Variants in DCDC1 observed in about 807,000 individuals in gnomAD.
DCDC1 encodes doublecortin domain containing 1.
A neutral mutation model predicts 178.3 loss-of-function variants in DCDC1; 200 were observed. The ratio of observed to expected loss-of-function variants is 1.12; its 90% CI spans 1.00 to 1.26. The LOEUF is 1.26. Ranked by LOEUF, DCDC1 falls within the 50% of genes most tolerant of loss-of-function variation. The pLI is 0.00. For missense variants in DCDC1, 1,983 were observed against 1,749.2 expected, an observed-to-expected ratio of 1.13 and a Z score of -2.38; for synonymous variants, 690 against 604.8, an observed-to-expected ratio of 1.14 and a Z score of -2.07.
intron 7 of DCDC1, among the ~76,000 whole-genome samples, chr11:31,277,687 A>G (rs1490044303): frequency 6.6e-6 from 1 of 152,004 alleles, no homozygotes; most frequent in African/African-American, 2.4e-5. Context: ...GCATCTTTTC[A>G]TGTGCTAATG....
chr11:30,938,937 G>A, intron 21 of DCDC1, among the ~76,000 whole-genome samples: 1 of 71,398 alleles, frequency 1.4e-5, no homozygotes. Context: ...GTTTTCCTGT[G>A]TACTCAACCC....
chr11:31,290,659 T>C lies in DCDC1; in HGVS notation c.948A>G (p.Glu316=). 2 of 1,604,014 alleles carry C rather than the reference T, an allele frequency of 1.2e-6. No individual in the cohort carries two copies. The highest frequency in any genetic ancestry group is 1.7e-6 in the Non-Finnish European group (2 of 1,177,332). The change falls in exon 7 of 39, where the codon GAA becomes GAG. Residue 316 remains glutamate, a synonymous_variant. Coordinates refer to ENST00000684477, the MANE Select transcript of DCDC1 (RefSeq NM_001387274.1). ...AATTAAAAATTACCTTTTTCATTGT[T>C]TCTTTTCCCACTGTAATCTCATGCC... is the stretch of plus-strand genomic sequence containing the variant. ...QDGHEITVGK[E]TMKKVLDTCT...
chr11:30,888,113 A>AGAAAGAAAGAAG (rs1943420163), intron 36 of DCDC1, among the ~76,000 whole-genome samples: 1 of 134,824 alleles, frequency 7.4e-6, no homozygotes, highest in Non-Finnish European at 1.6e-5. Flanking sequence ...AAAGAAAGAA[A>AGAAAGAAAGAAG]GAAAGAAAGA....
intron 36 of DCDC1, among the ~76,000 whole-genome samples, chr11:30,886,080 T>C (rs1004429426): frequency 6.6e-6 from 1 of 152,054 alleles, no homozygotes; most frequent in Admixed American, 6.5e-5. Context: ...GACCAACTTG[T>C]AAAATTGTAT....
At chr11:31,218,887 A>T (rs1325089278) in intron 9 of DCDC1, among the ~76,000 whole-genome samples, 1 of 152,176 alleles carries the variant, frequency 6.6e-6, no homozygotes, top group Non-Finnish European at 1.5e-5. Context: ...TTTGGTGGGT[A>T]GATATGTAAT....
At chr11:31,118,955 C>T (rs999538021) in intron 11 of DCDC1, among the ~76,000 whole-genome samples, 1 of 152,152 alleles carries the variant, frequency 6.6e-6, no homozygotes, top group African/African-American at 2.4e-5. Context: ...GAGATTTACA[C>T]CTGACTGCAG....
At chr11:31,250,435 T>C (rs1364008776) in intron 8 of DCDC1, among the ~76,000 whole-genome samples, 1 of 130,644 alleles carries the variant, frequency 7.7e-6, no homozygotes, top group Non-Finnish European at 1.6e-5. Context: ...TATATGTATA[T>C]ATATATATAT....
At chr11:31,342,422 G>A (rs1950597992) in intron 1 of DCDC1, among the ~76,000 whole-genome samples, 1 of 152,204 alleles carries the variant, frequency 6.6e-6, no homozygotes, top group African/African-American at 2.4e-5. Context: ...AGCATTAAAT[G>A]AAATGGTGAA....
At chr11:31,096,512 T>G (rs1216215372) in intron 15 of DCDC1, among the ~76,000 whole-genome samples, 1 of 152,182 alleles carries the variant, frequency 6.6e-6, no homozygotes, top group South Asian at 2.1e-4. Context: ...CTCCACAACA[T>G]GGTTTAATCT....
intron 8 of DCDC1, among the ~76,000 whole-genome samples, chr11:31,249,323 T>C (rs575058021): frequency 6.6e-6 from 1 of 152,244 alleles, no homozygotes; most frequent in Non-Finnish European, 1.5e-5. Flanking sequence ...ACATATTTAA[T>C]AAAAGATGAC....
chr11:31,081,670 A>C (rs1348461954), intron 17 of DCDC1, among the ~76,000 whole-genome samples: 1 of 152,150 alleles, frequency 6.6e-6, no homozygotes, highest in African/African-American at 2.4e-5. Flanking sequence ...ATTTACTAGC[A>C]TTTGTCAAAT....
At chr11:30,939,045 C>CA (rs1227391942) in intron 21 of DCDC1, among the ~76,000 whole-genome samples, 1 of 152,138 alleles carries the variant, frequency 6.6e-6, no homozygotes, top group Non-Finnish European at 1.5e-5. Flanking sequence ...ACTGGGACTC[C>CA]ACACTTGCTT....
At chr11:31,166,461 A>C (rs1295852646) in intron 9 of DCDC1, among the ~76,000 whole-genome samples, 3 of 152,202 alleles carry the variant, frequency 2.0e-5, no homozygotes. Context: ...TAAAAATAAA[A>C]ATATTTACAA....
Position 31,290,713 on chromosome 11 carries a change from C to A in DCDC1, c.894G>T (p.Leu298=). 1 of 1,613,496 alleles carries A rather than the reference C, an allele frequency of 6.2e-7. No homozygotes were observed. The highest frequency in any genetic ancestry group is 1.1e-5 in the South Asian group (1 of 91,042). Reference sequence around the variant, plus strand: ...CCTGCCCCATGCCATTCTTAAAGAACAGAATTCGGACTGAGGTCCTCTCAG... The same window carrying A: ...CCTGCCCCATGCCATTCTTAAAGAAAAGAATTCGGACTGAGGTCCTCTCAG... ...KLTERTSVRI[L]FFKNGMGQDG... The change falls in exon 7 of 39, where the codon CTG becomes CTT. Residue 298 remains leucine (L), a synonymous_variant. Transcript: ENST00000684477.
intron 15 of DCDC1, among the ~76,000 whole-genome samples, chr11:31,099,311 G>A (rs1958347840): frequency 6.6e-6 from 1 of 152,190 alleles, no homozygotes; most frequent in Admixed American, 6.5e-5. Flanking sequence ...GGGAGGATAA[G>A]ACAAGGACCT....
intron 21 of DCDC1, among the ~76,000 whole-genome samples, chr11:30,937,935 C>CA (rs1162744821): frequency 1.3e-5 from 2 of 152,114 alleles, no homozygotes; most frequent in African/African-American, 4.8e-5. Flanking sequence ...CACTACTCCT[C>CA]AAGCAGCCTG....
At chr11:31,055,341 G>C (rs1033798556) in intron 20 of DCDC1, among the ~76,000 whole-genome samples, 1 of 152,172 alleles carries the variant, frequency 6.6e-6, no homozygotes, top group South Asian at 2.1e-4. Flanking sequence ...ACAGATGTTT[G>C]CATGGATGCG....
rs372240142 is a variant in DCDC1, at chr11:31,081,610, C to CA, written c.2238-3686dup. On this transcript the variant is annotated intron_variant, in intron 17 of 38. Transcript: ENST00000684477. ...GGGCAACAAGAGTGAAACTCCATCT[C>CA]AAAAAAAAAAGAAAAGAAAAGAAAA... Among the ~76,000 whole-genome samples the CA allele has an allele frequency of 7.7e-3, 1,074 of 140,318 alleles. 8 individuals are homozygous for CA. Among genetic ancestry groups the CA allele is most frequent in the African/African-American group, 0.026 (969 of 37,948 alleles). 92.1% of individuals were successfully genotyped at this position (140,318 alleles called of 152,430 possible).
At chr11:31,042,734 G>A (rs867771039) in intron 20 of DCDC1, among the ~76,000 whole-genome samples, 2 of 152,044 alleles carry the variant, frequency 1.3e-5, no homozygotes, top group South Asian at 2.1e-4. Flanking sequence ...CTTCTTGTGC[G>A]GCTCAGTATC....
Sources: allele counts gnomAD v4.1 joint callset (sites outside exome capture counted in the v4.1 genomes callset), GRCh38; gene constraint gnomAD v4.1.1; transcripts MANE v1.5; gene names NCBI Gene and HGNC (gene_info 2026-07-23, HGNC 2026-07-21).